The following C7 variants were observed in gnomAD, a reference collection of about 807,000 sequenced individuals.
The protein encoded by C7 is complement C7, also known as complement component C7.
In C7, 83 loss-of-function variants were observed where a neutral mutation model predicts 104.8. The observed-to-expected ratio is 0.79, with a 90% CI of 0.66 to 0.95. C7 has a LOEUF of 0.95. Ranked by LOEUF, C7 falls within the 40% of genes least tolerant of loss-of-function variation. The pLI, the probability that C7 is intolerant of heterozygous loss-of-function variation, is 0.00. For synonymous variants in C7, 415 were observed against 360.6 expected (o/e 1.15, Z -1.71); for missense variants, 1,070 against 1,011.2 (o/e 1.06, Z -0.79).
chr5:40,915,374 A>C (rs1338247760), intron 1 of C7, among the ~76,000 whole-genome samples: 6 of 152,186 alleles, frequency 3.9e-5, no homozygotes, highest in African/African-American at 1.4e-4. Flanking sequence ...CCCTCATTAC[A>C]AGCACTCAGA....
intron 16 of C7, 86 bp from the exon 17 acceptor site, chr5:40,979,639 A>G (rs928236853): frequency 6.4e-6 from 7 of 1,097,812 alleles, no homozygotes; most frequent in Admixed American, 5.3e-5. Context: ...TGGGGGCACT[A>G]AGCTCAGAGC....
At chr5:40,925,344 A>G (rs1418963466) in intron 1 of C7, among the ~76,000 whole-genome samples, 3 of 152,160 alleles carry the variant, frequency 2.0e-5, no homozygotes, top group African/African-American at 7.2e-5. Context: ...AAACCAGGTG[A>G]CTTTTGCTCT....
At chr5:40,934,537 T>C in intron 4 of C7, 71 bp downstream of exon 4, 3 of 1,456,826 alleles carry the variant, frequency 2.1e-6, no homozygotes, top group Non-Finnish European at 2.9e-6. Flanking sequence ...TTGCTCGTTA[T>C]ATATTTGTTA....
intron 14 of C7, among the ~76,000 whole-genome samples, chr5:40,971,735 C>G (rs780826443): frequency 3.3e-5 from 5 of 152,114 alleles, no homozygotes; most frequent in African/African-American, 4.8e-5. Context: ...ACATTTAAGT[C>G]TTTAATCCAT....
intron 1 of C7, among the ~76,000 whole-genome samples, chr5:40,920,529 C>T (rs1465932095): frequency 6.9e-6 from 1 of 143,968 alleles, no homozygotes; most frequent in Non-Finnish European, 1.5e-5. Context: ...AATAAAAGTT[C>T]TCCCATTAAA....
At chr5:40,948,488 T>A (rs1740097622) in intron 8 of C7, among the ~76,000 whole-genome samples, 1 of 152,164 alleles carries the variant, frequency 6.6e-6, no homozygotes, top group South Asian at 2.1e-4. Flanking sequence ...TATTTAAGGC[T>A]GGGTCTAACT....
At chr5:40,961,760 G>T (rs1740427135) in intron 12 of C7, among the ~76,000 whole-genome samples, 2 of 152,152 alleles carry the variant, frequency 1.3e-5, no homozygotes, top group Admixed American at 6.5e-5. Flanking sequence ...AGGAAAAATA[G>T]GTTTTGAAAC....
At chr5:40,930,230 G>A (rs1308961470) in intron 2 of C7, among the ~76,000 whole-genome samples, 2 of 134,458 alleles carry the variant, frequency 1.5e-5, no homozygotes, top group Non-Finnish European at 3.1e-5. Flanking sequence ...TTTTGAGATG[G>A]AGTCGCCCTC....
In C7 at chr5:40,933,959, G is replaced by A. The variant is rs182497882; in HGVS notation, c.139-366G>A. 4.0e-3 allele frequency among the ~76,000 whole-genome samples: 566 copies of A among 141,278 alleles called. 7 individuals are homozygous for A. Among genetic ancestry groups the A allele is most frequent in the African/African-American group, 0.014 (534 of 37,486 alleles). 92.7% of individuals were successfully genotyped at this position (141,278 alleles called of 152,430 possible). A position where few individuals can be genotyped will look rare whatever the true frequency, so the allele number is the denominator to read the frequency against. On this transcript the variant is annotated intron_variant, in intron 3 of 17. Coordinates refer to ENST00000313164, the MANE Select transcript of C7 (RefSeq NM_000587.4). The stretch of plus-strand genomic sequence containing the variant: ...TCTTTTCTTTTTTTTTTTTTGAGAC[G>A]GTGTCTCACTTTATTGCCCAGGCTG...
intron 1 of C7, among the ~76,000 whole-genome samples, chr5:40,915,029 A>G (rs1469029555): frequency 2.0e-5 from 3 of 152,156 alleles, no homozygotes; most frequent in Non-Finnish European, 4.4e-5. Flanking sequence ...AAGAAATAGC[A>G]TCAGTTTGGA....
intron 6 of C7, among the ~76,000 whole-genome samples, chr5:40,938,885 T>C (rs1739870642): frequency 6.6e-6 from 1 of 152,210 alleles, no homozygotes; most frequent in African/African-American, 2.4e-5. Flanking sequence ...GTTGCAGTAA[T>C]GCAAACATGT....
intron 7 of C7, among the ~76,000 whole-genome samples, chr5:40,945,762 G>C (rs898105211): frequency 1.3e-5 from 2 of 151,406 alleles, no homozygotes; most frequent in African/African-American, 4.8e-5. Context: ...TACTTAGGAG[G>C]CTAAGGTGGA....
At chr5:40,971,955 C>A (rs1426017378) in intron 14 of C7, 2 of 416,644 alleles carry the variant, frequency 4.8e-6, no homozygotes, top group African/African-American at 4.2e-5. Context: ...AGACCCTGTC[C>A]CTAAAAAATA....
intron 1 of C7, among the ~76,000 whole-genome samples, chr5:40,912,575 C>G (rs573687936): frequency 4.6e-5 from 7 of 152,096 alleles, no homozygotes; most frequent in Non-Finnish European, 8.8e-5. Flanking sequence ...AACAGGCTGG[C>G]CTCAAATTCC....
intron 15 of C7, among the ~76,000 whole-genome samples, chr5:40,972,990 A>G (rs1197421086): frequency 1.3e-5 from 2 of 152,144 alleles, no homozygotes; most frequent in African/African-American, 4.8e-5. Flanking sequence ...AAAGTTCTGT[A>G]TGTTTCATTT....
At chr5:40,972,804 G>A (rs12516636) in intron 15 of C7, among the ~76,000 whole-genome samples, 13,336 of 152,212 alleles carry the variant, frequency 0.088, 819 homozygotes, top group East Asian at 0.19. Context: ...AGGATAGCCT[G>A]GTGATTCTGA....
At chr5:40,960,067 C>A (rs530707738) in intron 12 of C7, among the ~76,000 whole-genome samples, 45 of 152,272 alleles carry the variant, frequency 3.0e-4, no homozygotes, top group African/African-American at 1.0e-3. Context: ...ATACACCATT[C>A]TTACTCATTT....
At chr5:40,925,948 C>T (rs909805616) in intron 1 of C7, among the ~76,000 whole-genome samples, 1 of 152,118 alleles carries the variant, frequency 6.6e-6, no homozygotes, top group Non-Finnish European at 1.5e-5. Context: ...CAAAGAAGCA[C>T]ATTACAAAAA....
At chr5:40,910,847 T>G (rs750569605) in intron 1 of C7, among the ~76,000 whole-genome samples, 7 of 151,430 alleles carry the variant, frequency 4.6e-5, no homozygotes, top group Non-Finnish European at 8.8e-5. Context: ...CTTCTGAAAG[T>G]TATCTAGCCA....
Sources: gnomAD v4.1 joint callset for allele counts (sites outside exome capture counted in the v4.1 genomes callset) on GRCh38, gnomAD v4.1.1 for gene constraint, MANE v1.5 for transcripts, NCBI Gene and HGNC (gene_info 2026-07-23, HGNC 2026-07-21) for gene names.